ZNF407: variants seen among roughly 807,000 people sequenced by gnomAD.
ZNF407 encodes zinc finger protein 407.
ZNF407 carries 17 observed loss-of-function variants against 131.2 expected under a neutral mutation model. That is an observed-to-expected ratio of 0.13 (90% confidence interval 0.09 to 0.19). ZNF407 has a LOEUF of 0.19. Ranked by LOEUF, ZNF407 falls within the 10% of genes least tolerant of loss-of-function variation. The pLI is 1.00. For synonymous variants in ZNF407, 1,156 were observed against 1,062.0 expected (o/e 1.09, Z -1.72); for missense variants, 2,681 against 2,830.6 (o/e 0.95, Z 1.20).
At chr18:74,820,027 G>A (rs369859193) in intron 4 of ZNF407, among the ~76,000 whole-genome samples, 3 of 152,178 alleles carry the variant, frequency 2.0e-5, no homozygotes, top group Non-Finnish European at 2.9e-5. Context: ...ACTGAAGGAG[G>A]GCAGTGTAGA....
At chr18:74,949,883 G>T (rs1490944119) in intron 8 of ZNF407, among the ~76,000 whole-genome samples, 1 of 152,182 alleles carries the variant, frequency 6.6e-6, no homozygotes, top group African/African-American at 2.4e-5. Context: ...ATATGACCTA[G>T]TCCCTCTTGG....
rs369212596 is a variant in ZNF407, at chr18:74,633,030, G to T, written c.2011G>T (p.Ala671Ser). Residue 671 changes from alanine (A) to serine (S), a missense_variant, in exon 2 of 9, where the codon GCA becomes TCA. Around this residue, in one of 6 missense-constraint regions of ZNF407, gnomAD observed 1,789 missense variants for 1,748.7 expected, o/e 1.02. Coordinates refer to ENST00000299687, the MANE Select transcript of ZNF407 (RefSeq NM_017757.3). ...TTTGAGTACTTTAGAATCAGAAAAC[G>T]CAAAAGAGTCTATGGATGACTCAGG... ...LPLSTLESEN[A>S]KESMDDSGKA... is the part of the protein sequence containing the mutation. 6.2e-7 allele frequency: 1 copy of T among 1,613,704 alleles called. No homozygotes were observed.
At chr18:74,630,414 G>T (rs1405956249) in intron 1 of ZNF407, among the ~76,000 whole-genome samples, 1 of 152,000 alleles carries the variant, frequency 6.6e-6, no homozygotes, top group Non-Finnish European at 1.5e-5. Flanking sequence ...CTCGTGATCC[G>T]CCTGCCTCGG....
chr18:74,948,922 T>G (rs918745130), intron 8 of ZNF407, among the ~76,000 whole-genome samples: 3 of 152,148 alleles, frequency 2.0e-5, no homozygotes, highest in Non-Finnish European at 4.4e-5. Flanking sequence ...TATATAAAGG[T>G]TTCATTTCAG....
intron 7 of ZNF407, among the ~76,000 whole-genome samples, chr18:74,903,938 C>A (rs1971561913): frequency 6.6e-6 from 1 of 152,208 alleles, no homozygotes; most frequent in Non-Finnish European, 1.5e-5. Context: ...ATTGTATCCC[C>A]TATCCAGTCC....
intron 3 of ZNF407, among the ~76,000 whole-genome samples, chr18:74,719,062 CA>C (rs1165041010): frequency 2.0e-5 from 3 of 151,986 alleles, no homozygotes; most frequent in Non-Finnish European, 4.4e-5. Context: ...TTTAAATTGA[CA>C]TATTAATTGT....
chr18:74,950,155 G>GTCAC (rs1972197750), intron 8 of ZNF407, among the ~76,000 whole-genome samples: 2 of 152,182 alleles, frequency 1.3e-5, no homozygotes, highest in Non-Finnish European at 2.9e-5. Context: ...GAAGCCAGTG[G>GTCAC]TGCCCAAGAA....
chr18:74,841,950 G>A (rs933765584), intron 4 of ZNF407, among the ~76,000 whole-genome samples: 10 of 152,050 alleles, frequency 6.6e-5, no homozygotes, highest in African/African-American at 4.8e-5. Flanking sequence ...TTTCTTTTTC[G>A]TGAAAATTTA....
chr18:74,715,145 C>T (rs894136081), intron 3 of ZNF407, among the ~76,000 whole-genome samples: 1 of 152,194 alleles, frequency 6.6e-6, no homozygotes. Context: ...ACAGTATCCC[C>T]TTTTCCTGGA....
chr18:74,793,817 A>G (rs1319743224), intron 4 of ZNF407, among the ~76,000 whole-genome samples: 5 of 152,182 alleles, frequency 3.3e-5, no homozygotes, highest in Non-Finnish European at 1.5e-5. Flanking sequence ...CCGGGAGGAA[A>G]GACCTTCTTA....
chr18:74,648,812 T>C (rs1281656087), intron 3 of ZNF407, among the ~76,000 whole-genome samples: 6 of 152,218 alleles, frequency 3.9e-5, no homozygotes, highest in Non-Finnish European at 5.9e-5. Context: ...TACTTGATCC[T>C]CTGGATGGGC....
chr18:74,616,130 GT>G (rs2144629020), intron 1 of ZNF407, among the ~76,000 whole-genome samples: 1 of 152,310 alleles, frequency 6.6e-6, no homozygotes, highest in Admixed American at 6.5e-5. Flanking sequence ...ACATTAACCA[GT>G]TTTGCCAGTA....
chr18:74,793,655 A>G (rs1188929573), intron 4 of ZNF407, among the ~76,000 whole-genome samples: 1 of 152,240 alleles, frequency 6.6e-6, no homozygotes, highest in Non-Finnish European at 1.5e-5. Context: ...TGAAATAACA[A>G]TGGTGAAATA....
chr18:74,770,407 C>T (rs927043713), intron 3 of ZNF407, among the ~76,000 whole-genome samples: 1 of 152,016 alleles, frequency 6.6e-6, no homozygotes, highest in Non-Finnish European at 1.5e-5. Context: ...AAAAAAATAA[C>T]CAACCTTTCT....
chr18:74,787,196 A>G (rs770630497), intron 4 of ZNF407, among the ~76,000 whole-genome samples: 4 of 152,166 alleles, frequency 2.6e-5, no homozygotes, highest in Non-Finnish European at 5.9e-5. Flanking sequence ...ATTCATCTAA[A>G]GCCGAAGTGT....
intron 8 of ZNF407, among the ~76,000 whole-genome samples, chr18:75,012,178 G>A (rs1199810639): frequency 6.6e-6 from 1 of 151,984 alleles, no homozygotes; most frequent in Non-Finnish European, 1.5e-5. Context: ...GGTGTCCTTG[G>A]GCACCTGTGC....
intron 8 of ZNF407, among the ~76,000 whole-genome samples, chr18:74,932,000 ACAGTGTGTTTCATACAGAAAAGT>A (rs1405857123): frequency 6.6e-5 from 10 of 152,186 alleles, no homozygotes; most frequent in Admixed American, 6.5e-4. Context: ...CCGCCTCTTA[ACAGTGTGTTTCATACAGAAAAGT>A]CATAGTATTC....
At chr18:74,623,226 G>T (rs1983630453) in intron 1 of ZNF407, among the ~76,000 whole-genome samples, 1 of 152,042 alleles carries the variant, frequency 6.6e-6, no homozygotes, top group Non-Finnish European at 1.5e-5. Flanking sequence ...CTGCGTGTGT[G>T]AGTGCGGGTG....
intron 3 of ZNF407, among the ~76,000 whole-genome samples, chr18:74,773,477 T>A (rs1198071119): frequency 6.8e-6 from 1 of 146,814 alleles, no homozygotes; most frequent in Middle Eastern, 3.5e-3. Context: ...AAGAAGAGAT[T>A]GACAATAGTA....
Sources: allele counts gnomAD v4.1 joint callset (sites outside exome capture counted in the v4.1 genomes callset), GRCh38; gene constraint gnomAD v4.1.1; regional missense constraint gnomAD v4.1.1; transcripts MANE v1.5; gene names NCBI Gene and HGNC (gene_info 2026-07-23, HGNC 2026-07-21).